The following VPS25 variants were observed in gnomAD, a reference collection of about 807,000 sequenced individuals.
The protein encoded by VPS25 is vacuolar protein-sorting-associated protein 25.
In VPS25, 21 loss-of-function variants were observed where a neutral mutation model predicts 30.3. The observed-to-expected ratio is 0.69, with a 90% CI of 0.49 to 1.00. VPS25 has a LOEUF of 1.00. VPS25 is among the 50% of genes least tolerant of loss of function. The probability of loss-of-function intolerance (pLI) is 0.00; values close to 1 mark genes in which losing one functional copy is unlikely to be tolerated. For synonymous variants in VPS25, 101 were observed against 88.1 expected, an observed-to-expected ratio of 1.15 and a Z score of -0.82; for missense variants, 156 against 217.2, an observed-to-expected ratio of 0.72 and a Z score of 1.77.
At position 42,779,228 on chromosome 17, in the gene VPS25, C is replaced by T. The variant is rs61754309; in HGVS notation, c.*159C>T. The T allele has an allele frequency of 6.3e-4, 395 of 626,698 alleles. 1 individual carries two copies. In the African/African-American group the frequency reaches 6.5e-3, roughly 10 times the overall value. 38.8% of individuals were successfully genotyped at this position (626,698 alleles called of 1,614,324 possible). ...ACCTGGGGATGGGTTTCTCACACCC[C>T]ATATGTCTGTCCCTTGGATAGGGTG... On this transcript the variant is annotated 3_prime_UTR_variant, in exon 6 of 6. Coordinates refer to ENST00000253794, the MANE Select transcript of VPS25 (RefSeq NM_032353.4).
chr17:42,775,320 G>T, intron 3 of VPS25, 61 bp from the exon 4 acceptor site: 1 of 1,392,774 alleles, frequency 7.2e-7, no homozygotes, highest in Admixed American at 1.7e-5. Flanking sequence ...TCCCGCCTTG[G>T]CCTCCCAAAG....
intron 4 of VPS25, 131 bp downstream of exon 4, chr17:42,775,600 G>A (rs1311875136): frequency 1.2e-5 from 8 of 671,972 alleles, no homozygotes; most frequent in Non-Finnish European, 1.2e-5. Context: ...AAGAGGAAGT[G>A]TAGGCCTTCT....
chr17:42,779,585 A>G lies in VPS25; in HGVS notation c.*516A>G. 6.3e-6 allele frequency: 1 copy of G among 158,584 alleles called. No homozygotes were observed. The highest frequency in any genetic ancestry group is 5.9e-5 in the Admixed American group (1 of 16,820). The allele number at this position is 158,584 out of a possible 1,614,324, so 9.8% of individuals were successfully genotyped here. Reference sequence around the variant, plus strand: ...GGCCCCACACCGATTTATGATATTAAAATCTCAACTCCCACTGCCTGCCTC... The same window carrying G: ...GGCCCCACACCGATTTATGATATTAGAATCTCAACTCCCACTGCCTGCCTC... On this transcript the variant is annotated 3_prime_UTR_variant, in exon 6 of 6. Transcript: ENST00000253794.
rs1424988101 is a variant in VPS25 at position 42,773,721 on chromosome 17, T to G, written c.54-12T>G. ...CCCTCTAATTCTGCGCCCCACTCCC[T>G]TCACCCGGCAGGTTACAACCGAATG... On this transcript the variant is annotated splice_polypyrimidine_tract_variant and intron_variant, in intron 1 of 5. Coordinates refer to ENST00000253794, the MANE Select transcript of VPS25 (RefSeq NM_032353.4). The G allele has an allele frequency of 1.2e-6, 2 of 1,612,874 alleles. No homozygotes were observed. The highest frequency in any genetic ancestry group is 1.7e-6 in the Non-Finnish European group (2 of 1,179,222).
Position 42,779,188 on chromosome 17 carries a change from G to GCCT in VPS25, c.*119_*120insCCT. The GCCT allele has an allele frequency of 1.1e-6, 1 of 913,826 alleles. No individual in the cohort carries two copies. Among genetic ancestry groups the GCCT allele is most frequent in the Non-Finnish European group, 1.7e-6 (1 of 590,150 alleles). The allele number at this position is 913,826 out of a possible 1,614,324, so 56.6% of individuals were successfully genotyped here. ...CTCCACCAGACTCAAAAGGACTCCA[G>GCCT]TCCTGAAGGCTGGGACCTGGGGATG... On this transcript the variant is annotated 3_prime_UTR_variant, in exon 6 of 6. Transcript: ENST00000253794.
rs750484867 is a variant in VPS25 at position 42,775,424 on chromosome 17, C to A, written c.297C>A (p.Ile99=). 6.8e-6 allele frequency: 11 copies of A among 1,613,964 alleles called. No homozygotes were observed. The Admixed American group carries it at 1.8e-4, about 27-fold the overall frequency. ...ATAAGAGCAAGTCCAGCTTCCTGAT[C>A]ATGTGGCGGAGGCCAGAAGAATGGG... ...WLDKSKSSFL[I]MWRRPEEWGK... The change falls in exon 4 of 6, where the codon ATC becomes ATA. Residue 99 remains isoleucine (I), a synonymous_variant. Transcript: ENST00000253794.
chr17:42,775,821 T>C (rs1364714799), intron 4 of VPS25, among the ~76,000 whole-genome samples: 1 of 152,178 alleles, frequency 6.6e-6, no homozygotes, highest in Admixed American at 6.5e-5. Context: ...TGCACTGTTA[T>C]GGGACTGTCC....
At chr17:42,774,620 A>G (rs2054426849) in intron 2 of VPS25, 26 bp from the exon 3 acceptor site, 1 of 1,609,504 alleles carries the variant, frequency 6.2e-7, no homozygotes, top group African/African-American at 1.3e-5. Flanking sequence ...ACTCATGTGT[A>G]TGCCGTTCCC....
In VPS25 at chr17:42,775,429, G is replaced by A. The variant is rs1483878537; in HGVS notation, c.302G>A (p.Trp101Ter). The A allele has an allele frequency of 2.5e-6, 4 of 1,613,994 alleles. No homozygotes were observed. The highest frequency in any genetic ancestry group is 3.4e-6 in the Non-Finnish European group (4 of 1,179,982). The part of the protein sequence containing the change: ...DKSKSSFLIM[W>*]RRPEEWGKLI... ...AGCAAGTCCAGCTTCCTGATCATGT[G>A]GCGGAGGCCAGAAGAATGGGGGAAA... The change falls in exon 4 of 6, where the codon TGG (tryptophan) becomes TAG (stop). Residue 101 changes from tryptophan to a stop codon, truncating the protein, a stop_gained. Coordinates refer to ENST00000253794, the MANE Select transcript of VPS25 (RefSeq NM_032353.4). LOFTEE classifies it high-confidence loss of function.
At position 42,779,040 on chromosome 17, in the gene VPS25, A is replaced by C; in HGVS notation, c.502A>C (p.Ser168Arg). The stretch of plus-strand genomic sequence containing the variant: ...GCACAAGGCCGAGATCATCACTGTC[A>C]GCGATGGCCGAGGCGTCAAGTTCTT... ...QEHKAEIITV[S>R]DGRGVKFF The change falls in exon 6 of 6, where the codon AGC (serine) becomes CGC (arginine). Residue 168 changes from serine (S) to arginine (R), a missense_variant. Ser to Arg is a moderately radical substitution (Grantham distance 110). Coordinates refer to ENST00000253794, the MANE Select transcript of VPS25 (RefSeq NM_032353.4). 6.2e-7 allele frequency: 1 copy of C among 1,614,044 alleles called. No individual in the cohort carries two copies. Among genetic ancestry groups the C allele is most frequent in the Non-Finnish European group, 8.5e-7 (1 of 1,179,960 alleles).
intron 5 of VPS25, among the ~76,000 whole-genome samples, chr17:42,776,733 T>C (rs2054438792): frequency 6.6e-6 from 1 of 150,746 alleles, no homozygotes. Context: ...CAGTCTCTGC[T>C]CACTGCAACC....
At chr17:42,775,319 G>C in intron 3 of VPS25, 62 bp from the exon 4 acceptor site, 3 of 1,359,246 alleles carry the variant, frequency 2.2e-6, no homozygotes, top group Non-Finnish European at 3.1e-6. Context: ...CTCCCGCCTT[G>C]GCCTCCCAAA....
chr17:42,775,154 C>T lies in VPS25; in HGVS notation c.254-227C>T, dbSNP rs574579236. ...CGACTCCCAGGCTCAAGTGATCCTC[C>T]CATCTCAGCCTCCTGAGTAGTTGAG... On this transcript the variant is annotated intron_variant, in intron 3 of 5. Transcript: ENST00000253794. 4.8e-5 allele frequency: 23 copies of T among 482,956 alleles called. No homozygotes were observed. The Admixed American group carries it at 6.5e-4, about 14-fold the overall frequency. 29.9% of individuals were successfully genotyped at this position (482,956 alleles called of 1,614,324 possible).
intron 5 of VPS25, among the ~76,000 whole-genome samples, chr17:42,777,509 G>C (rs546411701): frequency 6.0e-4 from 92 of 152,284 alleles, no homozygotes; most frequent in South Asian, 2.3e-3. Flanking sequence ...GCGAGACTCC[G>C]TCTCAGAAAA....
At chr17:42,775,147 G>T in intron 3 of VPS25, 1 of 472,854 alleles carries the variant, frequency 2.1e-6, no homozygotes, top group South Asian at 2.9e-5. Context: ...AGGCTCAAGT[G>T]ATCCTCCCAT....
chr17:42,773,810 A>G lies in VPS25; in HGVS notation c.131A>G (p.His44Arg). ...CTGGTCCTGTCCTTCTGCCGCCTGCACAAACAGTCCAGCATGACGGTGATG... is the reference window on the plus strand; with the variant it reads ...CTGGTCCTGTCCTTCTGCCGCCTGCGCAAACAGTCCAGCATGACGGTGATG... ...CSLVLSFCRL[H>R]KQSSMTVMEA... The change falls in exon 2 of 6, where the codon CAC becomes CGC. Residue 44 changes from histidine to arginine, a missense_variant. Physicochemically the swap from His to Arg is conservative, Grantham distance 29. Transcript: ENST00000253794. The G allele has an allele frequency of 1.2e-6, 2 of 1,614,120 alleles. No individual in the cohort carries two copies. Among genetic ancestry groups the G allele is most frequent in the Non-Finnish European group, 1.7e-6 (2 of 1,180,030 alleles).
intron 5 of VPS25, 67 bp from the exon 6 acceptor site, chr17:42,778,890 A>G (rs946385564): frequency 2.3e-5 from 34 of 1,495,262 alleles, no homozygotes; most frequent in Non-Finnish European, 3.1e-5. Context: ...GCTTCCAGCC[A>G]GAGCACTCTC....
rs948556843 is a variant in VPS25 at position 42,773,671 on chromosome 17, C to T, written c.54-62C>T. 5.6e-6 allele frequency: 9 copies of T among 1,603,466 alleles called. No individual in the cohort carries two copies. In the Admixed American group the frequency reaches 1.3e-4, roughly 24 times the overall value. On this transcript the variant is annotated intron_variant, in intron 1 of 5. Transcript: ENST00000253794. ...AGTCCCTTACTTTCTTCCTGAAATG[C>T]GTCCCGGGCAAGTGCTGCCTCCCGC...
At position 42,773,555 on chromosome 17, in the gene VPS25, G is replaced by A. The variant is rs774279366; in HGVS notation, c.53+27G>A. The A allele has an allele frequency of 1.9e-6, 3 of 1,614,080 alleles. No homozygotes were observed. The South Asian group carries it at 3.3e-5, about 18-fold the overall frequency. The stretch of plus-strand genomic sequence containing the variant: ...TGAGGCTCAGACCCCAAGAAGCACC[G>A]CTGTGCCTCCCTCCCCTCCCCCGGA... On this transcript the variant is annotated intron_variant, in intron 1 of 5. Coordinates refer to ENST00000253794, the MANE Select transcript of VPS25 (RefSeq NM_032353.4).
Sources: allele counts gnomAD v4.1 joint callset (sites outside exome capture counted in the v4.1 genomes callset), GRCh38; gene constraint gnomAD v4.1.1; transcripts MANE v1.5; gene names NCBI Gene and HGNC (gene_info 2026-07-23, HGNC 2026-07-21).